The following SNRPD1 variants were observed in gnomAD, a reference collection of about 807,000 sequenced individuals.
SNRPD1 encodes small nuclear ribonucleoprotein D1 polypeptide, also known as small nuclear ribonucleoprotein Sm D1.
A neutral mutation model predicts 14.4 loss-of-function variants in SNRPD1; 1 was observed. That is an observed-to-expected ratio of 0.07 (90% CI 0.02 to 0.33). SNRPD1 has a LOEUF of 0.33. Ranked by LOEUF, SNRPD1 falls within the 10% of genes least tolerant of loss-of-function variation. The probability of loss-of-function intolerance (pLI) is 1.00; values close to 1 mark genes in which losing one functional copy is unlikely to be tolerated. For missense variants in SNRPD1, 52 were observed against 146.4 expected, an observed-to-expected ratio of 0.36 and a Z score of 3.33; for synonymous variants, 42 against 50.3, an observed-to-expected ratio of 0.83 and a Z score of 0.70.
At chr18:21,616,218 CTCGTGAT>C (rs1466823609) in intron 1 of SNRPD1, among the ~76,000 whole-genome samples, 1 of 152,020 alleles carries the variant, frequency 6.6e-6, no homozygotes, top group Non-Finnish European at 1.5e-5. Flanking sequence ...ATCTCCTGAC[CTCGTGAT>C]CCGCCCGCCT....
intron 3 of SNRPD1, among the ~76,000 whole-genome samples, chr18:21,624,701 A>AT (rs1375006397): frequency 1.5e-3 from 215 of 146,084 alleles, no homozygotes; most frequent in East Asian, 3.6e-3. Context: ...AAAAAAAAAA[A>AT]ATATATATAT....
chr18:21,616,559 T>C (rs2038959152), intron 1 of SNRPD1, among the ~76,000 whole-genome samples: 1 of 151,366 alleles, frequency 6.6e-6, no homozygotes, highest in African/African-American at 2.4e-5. Flanking sequence ...GGTTTCACCA[T>C]GTTGGTCAGG....
chr18:21,614,428 T>G (rs1182532509), intron 1 of SNRPD1, among the ~76,000 whole-genome samples: 2 of 152,368 alleles, frequency 1.3e-5, no homozygotes, highest in East Asian at 3.9e-4. Flanking sequence ...ATACCTGTAC[T>G]GAATCCTGTT....
intron 1 of SNRPD1, among the ~76,000 whole-genome samples, chr18:21,614,804 G>A (rs2038945594): frequency 6.6e-6 from 1 of 152,172 alleles, no homozygotes; most frequent in Non-Finnish European, 1.5e-5. Context: ...AAAGAATTCA[G>A]ACAGTGAAAG....
At chr18:21,623,622 A>G in intron 2 of SNRPD1, 126 bp from the exon 3 acceptor site, 1 of 683,510 alleles carries the variant, frequency 1.5e-6, no homozygotes, top group Non-Finnish European at 2.5e-6. Context: ...ATTGTGTCAT[A>G]GAAAACTTGC....
chr18:21,617,767 C>T (rs2038968139), intron 1 of SNRPD1, among the ~76,000 whole-genome samples: 2 of 152,060 alleles, frequency 1.3e-5, no homozygotes, highest in South Asian at 4.1e-4. Context: ...CTTTGTGAGG[C>T]CGAGGCAGGC....
intron 1 of SNRPD1, among the ~76,000 whole-genome samples, chr18:21,614,685 A>G (rs1476754295): frequency 8.5e-5 from 13 of 152,142 alleles, no homozygotes; most frequent in Non-Finnish European, 1.5e-4. Flanking sequence ...AGTTTTACCT[A>G]CTTCATAAAA....
intron 1 of SNRPD1, among the ~76,000 whole-genome samples, chr18:21,613,864 A>C (rs996062927): frequency 2.6e-5 from 4 of 151,246 alleles, no homozygotes; most frequent in African/African-American, 4.9e-5. Context: ...CAAAAAAAAA[A>C]AAAAAAAAAA....
chr18:21,613,566 CAGGGAGG>C (rs1379401637), intron 1 of SNRPD1, among the ~76,000 whole-genome samples: 1 of 152,094 alleles, frequency 6.6e-6, no homozygotes, highest in African/African-American at 2.4e-5. Flanking sequence ...CTTCAACACT[CAGGGAGG>C]AGGCCAGGCG....
chr18:21,619,210 C>A (rs1393494720), intron 1 of SNRPD1, among the ~76,000 whole-genome samples: 1 of 152,100 alleles, frequency 6.6e-6, no homozygotes, highest in African/African-American at 2.4e-5. Flanking sequence ...GACAAAGTCT[C>A]ACTCTATTGT....
intron 3 of SNRPD1, among the ~76,000 whole-genome samples, chr18:21,624,777 C>T (rs1191536904): frequency 6.6e-6 from 1 of 151,768 alleles, no homozygotes. Flanking sequence ...TCCTTTATCT[C>T]ATGCTGCTTT....
chr18:21,616,032 C>T (rs1159840385), intron 1 of SNRPD1, among the ~76,000 whole-genome samples: 1 of 152,202 alleles, frequency 6.6e-6, no homozygotes, highest in Non-Finnish European at 1.5e-5. Flanking sequence ...GTCACCCAGG[C>T]TGGAGTGCAG....
intron 3 of SNRPD1, among the ~76,000 whole-genome samples, chr18:21,626,166 G>T (rs1360104281): frequency 6.6e-6 from 1 of 151,280 alleles, no homozygotes; most frequent in Non-Finnish European, 1.5e-5. Context: ...GCAGAGGCGG[G>T]CAGATCGCCT....
At chr18:21,622,163 G>A (rs1162357191) in intron 1 of SNRPD1, among the ~76,000 whole-genome samples, 2 of 149,472 alleles carry the variant, frequency 1.3e-5, no homozygotes, top group African/African-American at 2.5e-5. Flanking sequence ...TTTTTGAGAC[G>A]GAGTCTCGCT....
intron 3 of SNRPD1, among the ~76,000 whole-genome samples, chr18:21,627,601 G>A (rs2039050551): frequency 6.6e-6 from 1 of 151,620 alleles, no homozygotes; most frequent in African/African-American, 2.4e-5. Context: ...CCCTTTTGTT[G>A]TTGTTGTTGT....
At position 21,612,381 on chromosome 18, in the gene SNRPD1, T is replaced by G; in HGVS notation, c.-49T>G. ...ATACTGCAGTCGGTCAGTGTTCGGT[T>G]GAAGGATTCTGTGTGCTGTCGGACC... On this transcript the variant is annotated 5_prime_UTR_variant, in exon 1 of 4. Coordinates refer to ENST00000300413, the MANE Select transcript of SNRPD1 (RefSeq NM_006938.4). 6.7e-7 allele frequency: 1 copy of G among 1,501,962 alleles called. No individual in the cohort carries two copies. Among genetic ancestry groups the G allele is most frequent in the Non-Finnish European group, 9.0e-7 (1 of 1,109,170 alleles). The allele number at this position is 1,501,962 out of a possible 1,614,324, so 93.0% of individuals were successfully genotyped here.
intron 2 of SNRPD1, 128 bp from the exon 3 acceptor site, chr18:21,623,620 A>G (rs925414789): frequency 8.9e-5 from 60 of 673,160 alleles, no homozygotes; most frequent in Middle Eastern, 2.5e-4. Context: ...AAATTGTGTC[A>G]TAGAAAACTT....
rs56754076 is a variant in SNRPD1, at chr18:21,631,427, G to GTTTTT, written c.*2311_*2315dup. 8.9e-5 allele frequency: 6 copies of GTTTTT among 67,430 alleles called. No homozygotes were observed. Among genetic ancestry groups the GTTTTT allele is most frequent in the African/African-American group, 1.6e-4 (2 of 12,602 alleles). The allele number at this position is 67,430 out of a possible 1,614,324, so 4.2% of individuals were successfully genotyped here. A position where few individuals can be genotyped will look rare whatever the true frequency, so the allele number is the denominator to read the frequency against. ...ACCAATATGTAATTTTTCTCCACACGTTTTTTTTTTTTTTTTTTTTTTTTT... is the reference window on the plus strand; with the variant it reads ...ACCAATATGTAATTTTTCTCCACACGTTTTTTTTTTTTTTTTTTTTTTTTTTTTTT... On this transcript the variant is annotated 3_prime_UTR_variant, in exon 4 of 4. Coordinates refer to ENST00000300413, the MANE Select transcript of SNRPD1 (RefSeq NM_006938.4).
rs1176331281 is a variant in SNRPD1, at chr18:21,629,338, T to G, written c.*200T>G. The G allele has an allele frequency of 2.1e-6, 1 of 482,886 alleles. No individual in the cohort carries two copies. The highest frequency in any genetic ancestry group is 3.7e-6 in the Non-Finnish European group (1 of 270,120). The allele number at this position is 482,886 out of a possible 1,614,324, so 29.9% of individuals were successfully genotyped here. ...TTCTACTGGGCAGTTTCATTTTTAG[T>G]TGATCAGGTTTTAAGTTTTTGAACT... On this transcript the variant is annotated 3_prime_UTR_variant, in exon 4 of 4. Coordinates refer to ENST00000300413, the MANE Select transcript of SNRPD1 (RefSeq NM_006938.4).
Sources: gnomAD v4.1 joint callset for allele counts (sites outside exome capture counted in the v4.1 genomes callset) on GRCh38, gnomAD v4.1.1 for gene constraint, MANE v1.5 for transcripts, NCBI Gene and HGNC (gene_info 2026-07-23, HGNC 2026-07-21) for gene names.